Variants in MRPL1 observed in about 807,000 individuals in gnomAD.
MRPL1 encodes large ribosomal subunit protein uL1m.
In MRPL1, 28 loss-of-function variants were observed where a neutral mutation model predicts 38.0. The observed-to-expected ratio is 0.74, with a 90% CI of 0.55 to 1.01. The LOEUF (loss-of-function observed/expected upper bound fraction) is 1.01. Among genes scored for constraint, MRPL1 ranks in the 50% least tolerant of loss-of-function variants. MRPL1 has a pLI of 0.00. For missense variants in MRPL1, 358 were observed against 389.8 expected (o/e 0.92, Z 0.69); for synonymous variants, 123 against 126.7 (o/e 0.97, Z 0.20).
At chr4:77,928,418 A>G (rs1264883643) in intron 7 of MRPL1, among the ~76,000 whole-genome samples, 2 of 152,210 alleles carry the variant, frequency 1.3e-5, no homozygotes, top group East Asian at 3.8e-4. Context: ...GATAAAAGGA[A>G]GCAGCCCATT....
At position 77,892,203 on chromosome 4, in the gene MRPL1, C is replaced by T. The variant is rs983552006; in HGVS notation, c.559-1936C>T. Among the ~76,000 whole-genome samples, 6 of 151,620 alleles carry T rather than the reference C, an allele frequency of 4.0e-5. 1 individual carries two copies. The highest frequency in any genetic ancestry group is 3.3e-4 in the Admixed American group (5 of 15,200). ...GGGGAGTGCAATGGCGCAATCTCGG[C>T]TCACTGCAACCTCCACCTCCCGGGT... is the stretch of plus-strand genomic sequence containing the variant. On this transcript the variant is annotated intron_variant, in intron 5 of 8. Coordinates refer to ENST00000315567, the MANE Select transcript of MRPL1 (RefSeq NM_020236.4).
At chr4:77,925,643 A>G (rs1356330685) in intron 7 of MRPL1, among the ~76,000 whole-genome samples, 1 of 149,576 alleles carries the variant, frequency 6.7e-6, no homozygotes, top group Non-Finnish European at 1.5e-5. Flanking sequence ...TAAGTTATAT[A>G]TGAGATTTGT....
chr4:77,870,444 A>C (rs1196377058), intron 1 of MRPL1, among the ~76,000 whole-genome samples: 1 of 152,188 alleles, frequency 6.6e-6, no homozygotes, highest in Non-Finnish European at 1.5e-5. Flanking sequence ...ATCTTTATAA[A>C]CTGATATGAA....
At chr4:77,914,223 CT>C (rs1437611874) in intron 7 of MRPL1, among the ~76,000 whole-genome samples, 1 of 152,016 alleles carries the variant, frequency 6.6e-6, no homozygotes, top group Non-Finnish European at 1.5e-5. Context: ...ACAGAAACTA[CT>C]TGCTGTATGA....
At chr4:77,910,571 G>A (rs1191759700) in intron 7 of MRPL1, among the ~76,000 whole-genome samples, 1 of 152,192 alleles carries the variant, frequency 6.6e-6, no homozygotes, top group Non-Finnish European at 1.5e-5. Context: ...AGGTTGCAGA[G>A]TGAGACCCTG....
chr4:77,872,985 A>C (rs1323076545), intron 2 of MRPL1, among the ~76,000 whole-genome samples: 4 of 152,182 alleles, frequency 2.6e-5, no homozygotes, highest in Admixed American at 2.6e-4. Flanking sequence ...GTGAGCTGAG[A>C]TTGCGCCACT....
At chr4:77,931,085 A>AT (rs1736834745) in intron 7 of MRPL1, among the ~76,000 whole-genome samples, 1 of 152,252 alleles carries the variant, frequency 6.6e-6, no homozygotes, top group Non-Finnish European at 1.5e-5. Context: ...CACTTTGTAT[A>AT]ATATGTGGTG....
intron 2 of MRPL1, among the ~76,000 whole-genome samples, chr4:77,880,080 A>T (rs1205431550): frequency 6.6e-6 from 1 of 152,162 alleles, no homozygotes; most frequent in East Asian, 1.9e-4. Context: ...TTTCTTCCAT[A>T]ACAAATTGCC....
chr4:77,934,226 G>A (rs1454134619), intron 7 of MRPL1, among the ~76,000 whole-genome samples: 1 of 152,168 alleles, frequency 6.6e-6, no homozygotes, highest in Non-Finnish European at 1.5e-5. Flanking sequence ...TAAAACTTTT[G>A]TGCGTTAAAT....
intron 1 of MRPL1, among the ~76,000 whole-genome samples, chr4:77,868,176 C>T (rs1234903615): frequency 6.6e-6 from 1 of 151,904 alleles, no homozygotes; most frequent in Non-Finnish European, 1.5e-5. Flanking sequence ...GATTTTCCTG[C>T]TTCAGCCTCC....
chr4:77,948,443 G>A (rs1737324763), intron 7 of MRPL1, among the ~76,000 whole-genome samples: 1 of 152,140 alleles, frequency 6.6e-6, no homozygotes, highest in African/African-American at 2.4e-5. Flanking sequence ...GACTTAATAA[G>A]GTGAACTAAG....
At chr4:77,928,497 C>T (rs1368026353) in intron 7 of MRPL1, among the ~76,000 whole-genome samples, 1 of 152,062 alleles carries the variant, frequency 6.6e-6, no homozygotes. Context: ...ATTAACTTTT[C>T]TTTTGTTGCA....
At chr4:77,903,455 T>C (rs532614402) in intron 6 of MRPL1, among the ~76,000 whole-genome samples, 2 of 152,332 alleles carry the variant, frequency 1.3e-5, no homozygotes, top group Non-Finnish European at 2.9e-5. Flanking sequence ...AGTGCTTATG[T>C]TCAACATTGT....
chr4:77,949,890 GC>G lies in MRPL1; in HGVS notation c.859+13del, dbSNP rs1737367691. On this transcript the variant is annotated intron_variant, in intron 8 of 8. Coordinates refer to ENST00000315567, the MANE Select transcript of MRPL1 (RefSeq NM_020236.4). ...ACCGCTGAATTTGGGTAAGTGGTTT[GC>G]TGAGGGTAGACTTCCCTATGACCCT... The G allele has an allele frequency of 6.3e-7, 1 of 1,580,542 alleles. No homozygotes were observed. The highest frequency in any genetic ancestry group is 2.3e-5 in the East Asian group (1 of 44,232).
chr4:77,917,628 A>G (rs961372586), intron 7 of MRPL1, among the ~76,000 whole-genome samples: 1 of 152,326 alleles, frequency 6.6e-6, no homozygotes, highest in Middle Eastern at 3.4e-3. Context: ...ATGTAAAAAT[A>G]CTGGCTCTGA....
intron 7 of MRPL1, among the ~76,000 whole-genome samples, chr4:77,938,635 A>T (rs550294337): frequency 1.3e-5 from 2 of 152,242 alleles, no homozygotes; most frequent in East Asian, 1.9e-4. Flanking sequence ...TCCCATAAAA[A>T]TCCAGATTTT....
chr4:77,887,510 T>TGG (rs1349619862), intron 5 of MRPL1, among the ~76,000 whole-genome samples: 8 of 152,008 alleles, frequency 5.3e-5, no homozygotes, highest in South Asian at 2.1e-4. Context: ...TGTGTTTATT[T>TGG]GGGGTGTGTG....
At chr4:77,889,217 C>T (rs1667309199) in intron 5 of MRPL1, among the ~76,000 whole-genome samples, 1 of 152,168 alleles carries the variant, frequency 6.6e-6, no homozygotes, top group Non-Finnish European at 1.5e-5. Context: ...CCAAAATTGA[C>T]CACATAGTTG....
At chr4:77,910,068 A>C (rs1195397216) in intron 7 of MRPL1, among the ~76,000 whole-genome samples, 2 of 152,210 alleles carry the variant, frequency 1.3e-5, no homozygotes, top group Non-Finnish European at 2.9e-5. Flanking sequence ...GGACCTACCA[A>C]GTGTCAGTTG....
Sources: gnomAD v4.1 joint callset for allele counts (sites outside exome capture counted in the v4.1 genomes callset) on GRCh38, gnomAD v4.1.1 for gene constraint, MANE v1.5 for transcripts, NCBI Gene and HGNC (gene_info 2026-07-23, HGNC 2026-07-21) for gene names.